RTTN: variants seen among roughly 807,000 people sequenced by gnomAD.
RTTN encodes rotatin.
A neutral mutation model predicts 269.2 loss-of-function variants in RTTN; 182 were observed. The observed-to-expected ratio is 0.68, with a 90% CI of 0.60 to 0.76. The LOEUF (loss-of-function observed/expected upper bound fraction) is 0.76, where lower values mean the gene tolerates loss of function less well. RTTN is among the 30% of genes least tolerant of loss of function. The pLI, the probability that RTTN is intolerant of heterozygous loss-of-function variation, is 0.00. For missense variants in RTTN, 2,545 were observed against 2,608.6 expected, an observed-to-expected ratio of 0.98 and a Z score of 0.53; for synonymous variants, 1,006 against 963.5, an observed-to-expected ratio of 1.04 and a Z score of -0.82.
At chr18:70,161,849 G>T (rs1376144237) in intron 14 of RTTN, among the ~76,000 whole-genome samples, 1 of 152,092 alleles carries the variant, frequency 6.6e-6, no homozygotes, top group Non-Finnish European at 1.5e-5. Context: ...AAGAATAACA[G>T]GTGTTGGCAA....
chr18:70,199,117 G>A (rs2061887228), intron 5 of RTTN, among the ~76,000 whole-genome samples: 2 of 152,128 alleles, frequency 1.3e-5, no homozygotes, highest in African/African-American at 4.8e-5. Context: ...AACCCAGGAG[G>A]CGGAGGTTGC....
intron 13 of RTTN, 39 bp from the exon 14 acceptor site, chr18:70,166,227 G>GT (rs1568495138): frequency 6.2e-7 from 1 of 1,605,932 alleles, no homozygotes; most frequent in Non-Finnish European, 8.5e-7. Flanking sequence ...TGTGAGGCAA[G>GT]TAAGTTAGTA....
chr18:70,202,014 C>A lies in RTTN; in HGVS notation c.398-31G>T. The A allele has an allele frequency of 2.4e-6, 3 of 1,256,096 alleles. No individual in the cohort carries two copies. The South Asian group carries it at 3.8e-5, about 16-fold the overall frequency. 77.8% of individuals were successfully genotyped at this position (1,256,096 alleles called of 1,614,324 possible). On this transcript the variant is annotated intron_variant, in intron 3 of 48. Transcript: ENST00000640769. ...AAGGAAATAAACATTACTGTATTGT[C>A]GATTCCTTATTTGCTAAAAGTGAAA... is the stretch of plus-strand genomic sequence containing the variant.
intron 4 of RTTN, among the ~76,000 whole-genome samples, chr18:70,200,221 C>T (rs1409195439): frequency 6.6e-6 from 1 of 152,142 alleles, no homozygotes. Flanking sequence ...TATTAAATTC[C>T]CAAACATAGC....
chr18:70,058,745 G>A (rs938396850), intron 36 of RTTN, among the ~76,000 whole-genome samples: 3 of 152,076 alleles, frequency 2.0e-5, no homozygotes, highest in African/African-American at 4.8e-5. Flanking sequence ...GAGCATCCAG[G>A]AAGGAAAGCC....
intron 11 of RTTN, among the ~76,000 whole-genome samples, chr18:70,170,149 G>A (rs545225278): frequency 6.6e-6 from 1 of 152,044 alleles, no homozygotes; most frequent in East Asian, 1.9e-4. Context: ...GGCGGGGGAG[G>A]AAAAAGAGAA....
At chr18:70,177,854 C>T (rs1167010679) in intron 10 of RTTN, among the ~76,000 whole-genome samples, 1 of 152,048 alleles carries the variant, frequency 6.6e-6, no homozygotes, top group African/African-American at 2.4e-5. Flanking sequence ...AATGGTGCAG[C>T]CACTGTGGAA....
chr18:70,113,342 C>A (rs1384962983), intron 27 of RTTN, among the ~76,000 whole-genome samples: 3 of 151,896 alleles, frequency 2.0e-5, no homozygotes, highest in Non-Finnish European at 2.9e-5. Flanking sequence ...AAATAAAAAC[C>A]AAAATGATAC....
intron 7 of RTTN, among the ~76,000 whole-genome samples, chr18:70,193,952 T>C (rs1180259841): frequency 3.3e-5 from 5 of 152,178 alleles, no homozygotes; most frequent in Non-Finnish European, 7.3e-5. Context: ...CATCAAAATC[T>C]AAAACTTTGG....
At chr18:70,050,900 C>T (rs1248403588) in intron 39 of RTTN, among the ~76,000 whole-genome samples, 1 of 152,092 alleles carries the variant, frequency 6.6e-6, no homozygotes, top group African/African-American at 2.4e-5. Context: ...GGGTAGGGAA[C>T]ATCACACACC....
chr18:70,031,716 G>A (rs2057017668), intron 40 of RTTN, among the ~76,000 whole-genome samples: 1 of 151,206 alleles, frequency 6.6e-6, no homozygotes, highest in South Asian at 2.1e-4. Context: ...ACTAGATACA[G>A]CCAGGAGGAA....
At chr18:70,094,212 G>T (rs1017272167) in intron 28 of RTTN, among the ~76,000 whole-genome samples, 1 of 152,078 alleles carries the variant, frequency 6.6e-6, no homozygotes, top group Admixed American at 6.5e-5. Context: ...CAGGCTAGTG[G>T]TCTATCTATT....
intron 32 of RTTN, among the ~76,000 whole-genome samples, chr18:70,076,853 C>A (rs75222344): frequency 2.0e-5 from 3 of 151,792 alleles, no homozygotes; most frequent in East Asian, 1.9e-4. Context: ...CAGGTACTGG[C>A]GCCCTTTAAT....
Position 70,092,615 on chromosome 18 carries a change from G to A in RTTN, c.4032+61C>T. ...CAAGTTTATATGCTTGAAATGTGTT[G>A]GACACAGCACATTCCCTTTCAAGCA... On this transcript the variant is annotated intron_variant, in intron 29 of 48. Transcript: ENST00000640769. 7 of 1,565,410 alleles carry A rather than the reference G, an allele frequency of 4.5e-6. 1 individual carries two copies. The East Asian group carries it at 9.1e-5, about 20-fold the overall frequency.
At chr18:70,055,093 A>T (rs2057779208) in intron 37 of RTTN, among the ~76,000 whole-genome samples, 1 of 152,158 alleles carries the variant, frequency 6.6e-6, no homozygotes, top group South Asian at 2.1e-4. Context: ...CTTCAATATT[A>T]CCAACAAAAC....
chr18:70,158,393 C>T (rs11151575), intron 14 of RTTN, among the ~76,000 whole-genome samples: 123,994 of 152,088 alleles, frequency 0.82, 53,659 homozygotes, highest in East Asian at 1. Flanking sequence ...GAGAAGCAAA[C>T]GCTCAGGGAA....
chr18:70,163,255 G>C (rs1190659264), intron 14 of RTTN, among the ~76,000 whole-genome samples: 2 of 151,698 alleles, frequency 1.3e-5, no homozygotes, highest in African/African-American at 2.4e-5. Flanking sequence ...GGTGATGCAC[G>C]CCTGTAGTCC....
At chr18:70,205,456 C>G (rs2062053701) in intron 1 of RTTN, 141 bp from the exon 2 acceptor site, 1 of 1,366,076 alleles carries the variant, frequency 7.3e-7, no homozygotes, top group African/African-American at 1.4e-5. Flanking sequence ...GGGACGCGAA[C>G]CGCGAAGTTT....
intron 40 of RTTN, among the ~76,000 whole-genome samples, chr18:70,043,922 A>G (rs1180532014): frequency 1.3e-5 from 2 of 152,226 alleles, no homozygotes; most frequent in African/African-American, 4.8e-5. Flanking sequence ...GGAGGCAGCA[A>G]GGCTGAGAAT....
Sources: gnomAD v4.1 joint callset for allele counts (sites outside exome capture counted in the v4.1 genomes callset) on GRCh38, gnomAD v4.1.1 for gene constraint, MANE v1.5 for transcripts, NCBI Gene and HGNC (gene_info 2026-07-23, HGNC 2026-07-21) for gene names.